The following ANO4 variants were observed in gnomAD, a reference collection of about 807,000 sequenced individuals.
ANO4 encodes the protein anoctamin-4.
Under a neutral mutation model 141.9 loss-of-function variants are expected in ANO4, and 69 were observed. The ratio of observed to expected loss-of-function variants is 0.49; its 90% CI spans 0.40 to 0.59. The LOEUF is 0.59. ANO4 is among the 20% of genes least tolerant of loss of function. The pLI is 0.00. For synonymous variants in ANO4, 350 were observed against 394.3 expected, an observed-to-expected ratio of 0.89 and a Z score of 1.33; for missense variants, 894 against 1,162.2, an observed-to-expected ratio of 0.77 and a Z score of 3.36.
At chr12:101,096,164 A>G (rs2049973394) in intron 18 of ANO4, among the ~76,000 whole-genome samples, 1 of 151,668 alleles carries the variant, frequency 6.6e-6, no homozygotes, top group Non-Finnish European at 1.5e-5. Flanking sequence ...GGAGGAACTA[A>G]GCCTGCATAG....
At chr12:100,929,289 G>A (rs779695368) in intron 3 of ANO4, among the ~76,000 whole-genome samples, 2 of 151,798 alleles carry the variant, frequency 1.3e-5, no homozygotes, top group Non-Finnish European at 2.9e-5. Flanking sequence ...CCCAGCATAT[G>A]GTAACCACCA....
chr12:100,743,693 A>T (rs1346420505), intron 3 of ANO4, among the ~76,000 whole-genome samples: 1 of 152,210 alleles, frequency 6.6e-6, no homozygotes, highest in Non-Finnish European at 1.5e-5. Flanking sequence ...AAAAGAGTAA[A>T]ACTATTGTCA....
chr12:100,970,801 C>T (rs2043900014), intron 5 of ANO4, among the ~76,000 whole-genome samples: 1 of 151,938 alleles, frequency 6.6e-6, no homozygotes, highest in Non-Finnish European at 1.5e-5. Flanking sequence ...TCACTGCAAC[C>T]TCCACCTTTC....
chr12:101,023,355 T>C (rs1376284375), intron 9 of ANO4, among the ~76,000 whole-genome samples: 2 of 152,178 alleles, frequency 1.3e-5, no homozygotes, highest in African/African-American at 4.8e-5. Context: ...GAGTTTTCTA[T>C]TCAAAGACCT....
chr12:101,039,815 T>C (rs758105078), intron 10 of ANO4, 140 bp from the exon 11 acceptor site: 49 of 880,362 alleles, frequency 5.6e-5, no homozygotes, highest in Non-Finnish European at 6.8e-5. Flanking sequence ...TCAAACTGCC[T>C]GCCCTTTAAT....
chr12:101,028,809 C>G (rs1480817672), intron 9 of ANO4, among the ~76,000 whole-genome samples: 3 of 152,102 alleles, frequency 2.0e-5, no homozygotes, highest in Non-Finnish European at 2.9e-5. Context: ...GGCCAATATG[C>G]AAATTCAGAA....
intron 3 of ANO4, among the ~76,000 whole-genome samples, chr12:100,783,487 G>A (rs1240354575): frequency 6.6e-6 from 1 of 152,090 alleles, no homozygotes; most frequent in African/African-American, 2.4e-5. Flanking sequence ...TGTTTTCTAA[G>A]AAGTTGTCAA....
chr12:100,788,320 T>C (rs989432081), intron 3 of ANO4, among the ~76,000 whole-genome samples: 2 of 152,226 alleles, frequency 1.3e-5, no homozygotes, highest in Non-Finnish European at 2.9e-5. Context: ...TGGGATCTAT[T>C]GAACTTCCTG....
At chr12:101,086,616 A>G (rs754523597) in intron 16 of ANO4, 44 bp from the exon 17 acceptor site, 3 of 1,609,304 alleles carry the variant, frequency 1.9e-6, no homozygotes, top group East Asian at 4.5e-5. Flanking sequence ...TCTTCCTGTA[A>G]CATTCCACCA....
intron 7 of ANO4, 35 bp from the exon 8 acceptor site, chr12:100,987,504 C>A: frequency 6.2e-7 from 1 of 1,606,392 alleles, no homozygotes. Context: ...TGCTGACATG[C>A]TGTACCCTTT....
At chr12:101,023,160 T>C (rs1222050556) in intron 9 of ANO4, among the ~76,000 whole-genome samples, 1 of 152,196 alleles carries the variant, frequency 6.6e-6, no homozygotes, top group Non-Finnish European at 1.5e-5. Context: ...AATAAAGGCG[T>C]GCTGAACTGA....
intron 1 of ANO4, among the ~76,000 whole-genome samples, chr12:100,829,659 T>A (rs2036538703): frequency 6.6e-6 from 1 of 152,060 alleles, no homozygotes; most frequent in East Asian, 1.9e-4. Flanking sequence ...AAGGAAGAAA[T>A]CAGTACAAGG....
At chr12:100,816,581 T>C (rs2035753825) in intron 1 of ANO4, among the ~76,000 whole-genome samples, 3 of 151,910 alleles carry the variant, frequency 2.0e-5, no homozygotes, top group African/African-American at 7.2e-5. Context: ...AATAAGTTAG[T>C]GGCAGTACAG....
chr12:100,993,424 C>A (rs1407701815), intron 8 of ANO4, among the ~76,000 whole-genome samples: 1 of 152,072 alleles, frequency 6.6e-6, no homozygotes, highest in Admixed American at 6.5e-5. Flanking sequence ...ATTATTATCA[C>A]CAATTTACGG....
Position 101,001,192 on chromosome 12 carries a change from C to T in ANO4, c.734+13522C>T, listed in dbSNP as rs569512665. On this transcript the variant is annotated intron_variant, in intron 8 of 27. Coordinates refer to ENST00000392977, the MANE Select transcript of ANO4 (RefSeq NM_001286615.2). ...GAAAGGGAAAGAGTTGTCAAATTTA[C>T]GTACAGTAAAATAAGGAGGGGTTAA... Among the ~76,000 whole-genome samples the T allele has an allele frequency of 2.8e-3, 430 of 152,034 alleles. 3 individuals are homozygous for T. Among genetic ancestry groups the T allele is most frequent in the African/African-American group, 9.4e-3 (390 of 41,482 alleles).
intron 1 of ANO4, among the ~76,000 whole-genome samples, chr12:100,887,776 A>G (rs2135978698): frequency 6.6e-6 from 1 of 152,350 alleles, no homozygotes; most frequent in Non-Finnish European, 1.5e-5. Context: ...TCCCCAAGGT[A>G]TTACTTTTAA....
chr12:100,891,221 A>G (rs1446988929), intron 1 of ANO4, among the ~76,000 whole-genome samples: 1 of 152,240 alleles, frequency 6.6e-6, no homozygotes, highest in Non-Finnish European at 1.5e-5. Context: ...CAGTTTACCT[A>G]CTGAAGGACA....
At chr12:100,918,254 G>A (rs2136089460) in intron 2 of ANO4, among the ~76,000 whole-genome samples, 1 of 152,296 alleles carries the variant, frequency 6.6e-6, no homozygotes, top group African/African-American at 2.4e-5. Flanking sequence ...TTGAGCCTAG[G>A]AGGTTGAGGT....
At chr12:100,956,869 A>C (rs562171315) in intron 5 of ANO4, among the ~76,000 whole-genome samples, 1 of 152,360 alleles carries the variant, frequency 6.6e-6, no homozygotes, top group South Asian at 2.1e-4. Flanking sequence ...TGTTTTACTT[A>C]GTTGACAGAA....
Sources: gnomAD v4.1 joint callset for allele counts (sites outside exome capture counted in the v4.1 genomes callset) on GRCh38, gnomAD v4.1.1 for gene constraint, MANE v1.5 for transcripts, NCBI Gene and HGNC (gene_info 2026-07-23, HGNC 2026-07-21) for gene names.